MGAT5B: variants seen among roughly 807,000 people sequenced by gnomAD.
The protein encoded by MGAT5B is alpha-1,6-mannosylglycoprotein 6-beta-N-acetylglucosaminyltransferase B.
A neutral mutation model predicts 95.1 loss-of-function variants in MGAT5B; 54 were observed. The ratio of observed to expected loss-of-function variants is 0.57; its 90% CI spans 0.46 to 0.71. MGAT5B has a LOEUF of 0.71. Ranked by LOEUF, MGAT5B falls within the 30% of genes least tolerant of loss-of-function variation. The pLI is 0.00. For synonymous variants in MGAT5B, 464 were observed against 451.0 expected (o/e 1.03, Z -0.36); for missense variants, 935 against 1,088.6 (o/e 0.86, Z 1.99).
Position 76,869,409 on chromosome 17 carries a change from G to T in MGAT5B, c.68+312G>T, listed in dbSNP as rs556143231. ...TGGGCCCAGAAAGTTGCCCCAGCCT[G>T]CGCGCCCCTTCCCAGCCCCTCAGGG... On this transcript the variant is annotated intron_variant, in intron 1 of 17. Coordinates refer to ENST00000569840, the MANE Select transcript of MGAT5B (RefSeq NM_001199172.2). This position sits in a 1 kb window ranked among gnomAD's most constrained non-coding sequence, Gnocchi z 7.0. Among the ~76,000 whole-genome samples the T allele has an allele frequency of 3.1e-3, 479 of 152,190 alleles. 2 individuals carry two copies. The highest frequency in any genetic ancestry group is 5.8e-3 in the Non-Finnish European group (391 of 67,986).
In MGAT5B at chr17:76,889,700, C is replaced by G. The variant is rs1967797791; in HGVS notation, c.329+7402C>G. Reference sequence around the variant, plus strand: ...AATAGCAAATAATAATAACAGCCACCCTCTATTGGGCACCAAGCTCACTAG... The same window carrying G: ...AATAGCAAATAATAATAACAGCCACGCTCTATTGGGCACCAAGCTCACTAG... On this transcript the variant is annotated intron_variant, in intron 3 of 17. Transcript: ENST00000569840. The surrounding 1 kb of genome is among the most constrained non-coding windows in gnomAD (Gnocchi z 4.4). Among the ~76,000 whole-genome samples, 1 of 152,070 alleles carries G rather than the reference C, an allele frequency of 6.6e-6. No homozygotes were observed. The highest frequency in any genetic ancestry group is 2.1e-4 in the South Asian group (1 of 4,818).
At chr17:76,922,611 G>A (rs1302767577) in intron 8 of MGAT5B, among the ~76,000 whole-genome samples, 1 of 152,196 alleles carries the variant, frequency 6.6e-6, no homozygotes, top group Non-Finnish European at 1.5e-5. Flanking sequence ...TGTTCCCTGT[G>A]ATGGCTCCAG....
chr17:76,916,824 G>A lies in MGAT5B; in HGVS notation c.1026-8142G>A, dbSNP rs927490993. Among the ~76,000 whole-genome samples the A allele has an allele frequency of 6.6e-6, 1 of 152,132 alleles. No individual in the cohort carries two copies. The highest frequency in any genetic ancestry group is 2.4e-5 in the African/African-American group (1 of 41,414). On this transcript the variant is annotated intron_variant, in intron 8 of 17. Coordinates refer to ENST00000569840, the MANE Select transcript of MGAT5B (RefSeq NM_001199172.2). The surrounding 1 kb of genome is among the most constrained non-coding windows in gnomAD (Gnocchi z 5.3). ...CCAAGAGAGCGTCTTGTCAGATGGT[G>A]GCTGGAGAGGAGGAAGGTGGCAGTG...
intron 16 of MGAT5B, 104 bp downstream of exon 16, chr17:76,946,554 A>G: frequency 1.0e-6 from 1 of 956,692 alleles, no homozygotes; most frequent in Non-Finnish European, 1.5e-6. Context: ...GAAACCATCC[A>G]ACTCCCTGCT....
rs778709576 is a variant in MGAT5B, at chr17:76,903,348, A to G, written c.491A>G (p.Lys164Arg). 24 of 1,610,456 alleles carry G rather than the reference A, an allele frequency of 1.5e-5. No individual in the cohort carries two copies. The South Asian group carries it at 2.5e-4, about 17-fold the overall frequency. The change falls in exon 5 of 18, where the codon AAG becomes AGG. Residue 164 changes from lysine (K) to arginine (R), a missense_variant. By Grantham distance (26) the Lys-to-Arg change is conservative. Coordinates refer to ENST00000569840, the MANE Select transcript of MGAT5B (RefSeq NM_001199172.2). ...RDQCEAPSDPKFPDCSGKVEW... is the reference protein window; with the variant it reads ...RDQCEAPSDPRFPDCSGKVEW... ...CAGTGTGAGGCACCCAGTGACCCCA[A>G]GTTCCCTGACTGCTCAGGGAAGGTG...
intron 8 of MGAT5B, among the ~76,000 whole-genome samples, chr17:76,908,262 CTCTT>C (rs1182426241): frequency 7.2e-6 from 1 of 138,824 alleles, no homozygotes; most frequent in Admixed American, 7.6e-5. Context: ...TCCTTTCTTT[CTCTT>C]TCTTTCTTCT....
intron 3 of MGAT5B, among the ~76,000 whole-genome samples, chr17:76,885,618 G>A (rs1046075070): frequency 4.6e-5 from 7 of 152,134 alleles, no homozygotes; most frequent in African/African-American, 9.7e-5. Flanking sequence ...GGGAATATGC[G>A]CCACCTCCCA....
intron 3 of MGAT5B, among the ~76,000 whole-genome samples, chr17:76,893,263 C>T (rs677712): frequency 0.97 from 147,226 of 152,238 alleles, 71,239 homozygotes; most frequent in East Asian, 1. Context: ...GGTTCATCTG[C>T]GTTTGGTTCC....
At chr17:76,880,648 G>A (rs1030635643) in intron 2 of MGAT5B, among the ~76,000 whole-genome samples, 2 of 152,210 alleles carry the variant, frequency 1.3e-5, no homozygotes, top group Admixed American at 1.3e-4. Context: ...GGATGCTGAA[G>A]CTCAGAGCCA....
At chr17:76,871,507 A>G (rs1227062425) in intron 1 of MGAT5B, among the ~76,000 whole-genome samples, 1 of 152,144 alleles carries the variant, frequency 6.6e-6, no homozygotes, top group South Asian at 2.1e-4. Context: ...CTTCCTTTAA[A>G]TATGGGCTGG....
rs1194044740 is a variant in MGAT5B, at chr17:76,872,858, G to A, written c.76G>A (p.Val26Ile). The change falls in exon 2 of 18, where the codon GTC (valine) becomes ATC (isoleucine). Residue 26 changes from valine (V) to isoleucine (I), a missense_variant. Val to Ile is a conservative substitution (Grantham distance 29). Coordinates refer to ENST00000569840, the MANE Select transcript of MGAT5B (RefSeq NM_001199172.2). ...CCTCCTTCCTCTCCGCAGGCTTTTTGTCCTGGGCATCGGCTTCTTCACTCT... is the reference window on the plus strand; with the variant it reads ...CCTCCTTCCTCTCCGCAGGCTTTTTATCCTGGGCATCGGCTTCTTCACTCT... ...LVTLRPFRLF[V>I]LGIGFFTLCF... 6.2e-7 allele frequency: 1 copy of A among 1,614,208 alleles called. No homozygotes were observed. The highest frequency in any genetic ancestry group is 1.1e-5 in the South Asian group (1 of 91,076).
At chr17:76,875,236 C>T (rs371733895) in intron 2 of MGAT5B, among the ~76,000 whole-genome samples, 18 of 152,144 alleles carry the variant, frequency 1.2e-4, no homozygotes, top group Admixed American at 2.6e-4. Context: ...CATCTTGAAT[C>T]GTAGTTCCCA....
chr17:76,926,553 C>G, intron 9 of MGAT5B, 44 bp from the exon 10 acceptor site: 1 of 1,573,428 alleles, frequency 6.4e-7, no homozygotes, highest in Non-Finnish European at 8.6e-7. Flanking sequence ...CAGGGACACA[C>G]GGGGAGGTTG....
intron 3 of MGAT5B, among the ~76,000 whole-genome samples, chr17:76,900,925 G>A (rs1598929534): frequency 9.0e-6 from 1 of 111,068 alleles, no homozygotes; most frequent in Admixed American, 1.0e-4. Context: ...GTGTACATGT[G>A]TGCGTGCGTG....
chr17:76,905,261 C>T lies in MGAT5B; in HGVS notation c.783C>T (p.Leu261=), dbSNP rs758982021. ...LIFMKKRTKR[L]TAQWALAAQR... ...TCATGAAGAAGCGGACCAAGAGGCT[C>T]ACAGCCCAGTGGGCGCTGGCTGCCC... Residue 261 remains leucine, a synonymous_variant, in exon 7 of 18, where the codon CTC becomes CTT. Coordinates refer to ENST00000569840, the MANE Select transcript of MGAT5B (RefSeq NM_001199172.2). The surrounding 1 kb of genome is among the most constrained non-coding windows in gnomAD (Gnocchi z 4.2). The T allele has an allele frequency of 4.3e-6, 7 of 1,612,550 alleles. No homozygotes were observed. The Admixed American group carries it at 5.0e-5, about 12-fold the overall frequency.
In MGAT5B at chr17:76,950,068, G is replaced by C. The variant is rs1243157116; in HGVS notation, c.*1230G>C. 2 of 150,242 alleles carry C rather than the reference G, an allele frequency of 1.3e-5. No homozygotes were observed. Among genetic ancestry groups the C allele is most frequent in the African/African-American group, 2.5e-5 (1 of 40,368 alleles). The allele number at this position is 150,242 out of a possible 1,614,324, so 9.3% of individuals were successfully genotyped here. ...CAGCGGGTCAGGCCTTCAGAACACT[G>C]CCACCCACCCAGTTTTATAATCCCG... On this transcript the variant is annotated 3_prime_UTR_variant, in exon 18 of 18. Transcript: ENST00000569840.
intron 3 of MGAT5B, among the ~76,000 whole-genome samples, chr17:76,886,607 A>G (rs1409003318): frequency 6.6e-6 from 1 of 152,190 alleles, no homozygotes; most frequent in Non-Finnish European, 1.5e-5. Flanking sequence ...CACTCTGGAC[A>G]GCGGGAAGGA....
At chr17:76,939,714 A>G (rs1195241672) in intron 13 of MGAT5B, among the ~76,000 whole-genome samples, 1 of 152,024 alleles carries the variant, frequency 6.6e-6, no homozygotes, top group South Asian at 2.1e-4. Flanking sequence ...TGTTGTTGCC[A>G]TCTTTATGCC....
Position 76,940,629 on chromosome 17 carries a change from A to G in MGAT5B, c.1731+81A>G, listed in dbSNP as rs1969834857. ...CAGGTCCTGGAAGAGGCAGACTGAGATGTGGGGCAAAAGGAGATAGGACAA... is the reference window on the plus strand; with the variant it reads ...CAGGTCCTGGAAGAGGCAGACTGAGGTGTGGGGCAAAAGGAGATAGGACAA... On this transcript the variant is annotated intron_variant, in intron 14 of 17. Transcript: ENST00000569840. This position sits in a 1 kb window ranked among gnomAD's most constrained non-coding sequence, Gnocchi z 4.3. 2 of 1,584,926 alleles carry G rather than the reference A, an allele frequency of 1.3e-6. No individual in the cohort carries two copies. The highest frequency in any genetic ancestry group is 1.3e-5 in the African/African-American group (1 of 74,480).
Sources: allele counts gnomAD v4.1 joint callset (sites outside exome capture counted in the v4.1 genomes callset), GRCh38; gene constraint gnomAD v4.1.1; non-coding constraint Gnocchi (gnomAD v3.1); transcripts MANE v1.5; gene names NCBI Gene and HGNC (gene_info 2026-07-23, HGNC 2026-07-21).